NOS1: variants seen among roughly 807,000 people sequenced by gnomAD.
NOS1 encodes the protein NOS type I.
In NOS1, 51 loss-of-function variants were observed where a neutral mutation model predicts 164.5. The observed-to-expected ratio is 0.31, with a 90% CI of 0.25 to 0.39. NOS1 has a LOEUF of 0.39. Ranked by LOEUF, NOS1 falls within the 10% of genes least tolerant of loss-of-function variation. The pLI, the probability that NOS1 is intolerant of heterozygous loss-of-function variation, is 1.00. For synonymous variants in NOS1, 719 were observed against 745.8 expected, an observed-to-expected ratio of 0.96 and a Z score of 0.59; for missense variants, 1,362 against 1,885.6, an observed-to-expected ratio of 0.72 and a Z score of 5.14.
rs1199652667 is a variant in NOS1 at position 117,220,120 on chromosome 12, C to G, written c.4125G>C (p.Gly1375=). 1 of 1,613,654 alleles carries G rather than the reference C, an allele frequency of 6.2e-7. No homozygotes were observed. The highest frequency in any genetic ancestry group is 1.7e-5 in the Admixed American group (1 of 59,992). Residue 1375 remains glycine (G), a synonymous_variant, in exon 27 of 29, where the codon GGG becomes GGC. Transcript: ENST00000317775. The part of the protein sequence containing the change: ...KAIQRIMTQQ[G]KLSAEDAGVF... ...CGCCGGCGTCCTCTGCCGAGAGCTTCCCCTGCTGGGTCATGATGCGCTGGA... is the reference window on the plus strand; with the variant it reads ...CGCCGGCGTCCTCTGCCGAGAGCTTGCCCTGCTGGGTCATGATGCGCTGGA...
intron 2 of NOS1, among the ~76,000 whole-genome samples, chr12:117,317,792 C>T (rs928226698): frequency 1.3e-5 from 2 of 152,114 alleles, no homozygotes; most frequent in African/African-American, 4.8e-5. Context: ...ATTGTGGTGG[C>T]CAGTGTGGCC....
At position 117,277,945 on chromosome 12, in the gene NOS1, C is replaced by A; in HGVS notation, c.1664+14G>T. The A allele has an allele frequency of 2.5e-6, 4 of 1,606,426 alleles. No individual in the cohort carries two copies. Among genetic ancestry groups the A allele is most frequent in the Non-Finnish European group, 3.4e-6 (4 of 1,174,484 alleles). ...CCCACTCACCCTCTCCCACCCCTTG[C>A]CAGTCCCTCTTACTTGGGGTGCCTG... On this transcript the variant is annotated intron_variant, in intron 9 of 28. Coordinates refer to ENST00000317775, the MANE Select transcript of NOS1 (RefSeq NM_000620.5).
At chr12:117,295,796 T>A (rs1417408439) in intron 3 of NOS1, among the ~76,000 whole-genome samples, 1 of 145,240 alleles carries the variant, frequency 6.9e-6, no homozygotes, top group African/African-American at 2.5e-5. Flanking sequence ...ATTTTTCTAT[T>A]TTTTTTTTTT....
chr12:117,345,411 G>GT (rs923357718), intron 1 of NOS1, among the ~76,000 whole-genome samples: 1 of 152,036 alleles, frequency 6.6e-6, no homozygotes, highest in African/African-American at 2.4e-5. Context: ...TCCCTTCCTG[G>GT]TGAAATACCT....
intron 28 of NOS1, among the ~76,000 whole-genome samples, chr12:117,217,296 C>A (rs1956626620): frequency 6.6e-6 from 1 of 152,186 alleles, no homozygotes; most frequent in African/African-American, 2.4e-5. Context: ...ATTCTTCTCC[C>A]CACTTTCCTA....
chr12:117,341,520 A>G (rs368140409), intron 1 of NOS1, among the ~76,000 whole-genome samples: 1 of 152,174 alleles, frequency 6.6e-6, no homozygotes, highest in African/African-American at 2.4e-5. Flanking sequence ...AGTTCGGCCA[A>G]CGGGAGACCA....
intron 2 of NOS1, among the ~76,000 whole-genome samples, chr12:117,327,820 T>C (rs984711761): frequency 2.6e-5 from 4 of 152,104 alleles, no homozygotes; most frequent in Non-Finnish European, 5.9e-5. Context: ...GGGAAGGGGC[T>C]TAAAGGGAGG....
intron 21 of NOS1, among the ~76,000 whole-genome samples, chr12:117,233,017 G>A (rs1869384830): frequency 6.8e-6 from 1 of 146,178 alleles, no homozygotes; most frequent in Admixed American, 7.0e-5. Flanking sequence ...ACAGACGTGT[G>A]CCATCATGCC....
At chr12:117,358,610 C>T (rs963327259) in intron 1 of NOS1, among the ~76,000 whole-genome samples, 1 of 152,158 alleles carries the variant, frequency 6.6e-6, no homozygotes, top group African/African-American at 2.4e-5. Context: ...AAAACAGCCC[C>T]GTGTGGGAGT....
rs1457493217 is a variant in NOS1 at position 117,334,900 on chromosome 12, C to G, written c.-420-3411G>C. Among the ~76,000 whole-genome samples the G allele has an allele frequency of 2.0e-5, 3 of 152,148 alleles. No homozygotes were observed. The East Asian group carries it at 5.8e-4, about 29-fold the overall frequency. ...TGAATGTCCAGTTTCCATGAGGCTC[C>G]GTAGGGAGAGCTGGCCGCCTCCTGC... On this transcript the variant is annotated intron_variant, in intron 1 of 28. Transcript: ENST00000317775.
At chr12:117,290,179 G>A in intron 4 of NOS1, 119 bp downstream of exon 4, 2 of 1,229,572 alleles carry the variant, frequency 1.6e-6, no homozygotes, top group Middle Eastern at 2.4e-4. Flanking sequence ...TATGGGTCAG[G>A]GGTGGTGCTC....
At chr12:117,271,445 T>G (rs544028277) in intron 10 of NOS1, among the ~76,000 whole-genome samples, 341 of 152,230 alleles carry the variant, frequency 2.2e-3, no homozygotes, top group Admixed American at 3.9e-3. Context: ...GCCTGGCTAA[T>G]TTTTGTATTT....
intron 11 of NOS1, among the ~76,000 whole-genome samples, chr12:117,266,174 T>C (rs973171714): frequency 6.6e-6 from 1 of 152,062 alleles, no homozygotes; most frequent in Non-Finnish European, 1.5e-5. Context: ...GTAAGTTCTT[T>C]AGTGGTGATT....
intron 16 of NOS1, among the ~76,000 whole-genome samples, chr12:117,254,518 C>G (rs747663462): frequency 6.6e-6 from 1 of 152,160 alleles, no homozygotes; most frequent in Non-Finnish European, 1.5e-5. Flanking sequence ...TAACGAGCTC[C>G]CAGGAGATGC....
intron 8 of NOS1, among the ~76,000 whole-genome samples, chr12:117,280,445 A>C (rs188856776): frequency 6.6e-6 from 1 of 152,324 alleles, no homozygotes; most frequent in African/African-American, 2.4e-5. Flanking sequence ...AGTCTTGAGT[A>C]ACTCACTTGG....
At chr12:117,328,968 G>A (rs771039794) in intron 2 of NOS1, among the ~76,000 whole-genome samples, 2 of 152,212 alleles carry the variant, frequency 1.3e-5, no homozygotes, top group Non-Finnish European at 1.5e-5. Context: ...TGTACGGAAT[G>A]CTGCAGGCAA....
intron 2 of NOS1, among the ~76,000 whole-genome samples, chr12:117,314,536 C>T (rs1158373802): frequency 6.6e-6 from 1 of 152,190 alleles, no homozygotes. Flanking sequence ...GTAAGTTTCC[C>T]AAGGTCCCAC....
chr12:117,357,413 A>T (rs188584117), intron 1 of NOS1, among the ~76,000 whole-genome samples: 7 of 152,380 alleles, frequency 4.6e-5, no homozygotes, highest in Admixed American at 1.3e-4. Flanking sequence ...AACCAGAAAG[A>T]TGAAATTAAA....
At chr12:117,252,884 T>C (rs912516074) in intron 17 of NOS1, among the ~76,000 whole-genome samples, 4 of 152,230 alleles carry the variant, frequency 2.6e-5, no homozygotes, top group African/African-American at 9.6e-5. Flanking sequence ...CTGAAGGTTC[T>C]TCCTACAGGG....
Sources: allele counts gnomAD v4.1 joint callset (sites outside exome capture counted in the v4.1 genomes callset), GRCh38; gene constraint gnomAD v4.1.1; transcripts MANE v1.5; gene names NCBI Gene and HGNC (gene_info 2026-07-23, HGNC 2026-07-21).